TLN2: variants seen among roughly 807,000 people sequenced by gnomAD.
TLN2 encodes talin 2.
TLN2 carries 118 observed loss-of-function variants against 294.7 expected under a neutral mutation model. That is an observed-to-expected ratio of 0.40 (90% CI 0.34 to 0.47). TLN2 has a LOEUF of 0.47. Among genes scored for constraint, TLN2 ranks in the 20% least tolerant of loss-of-function variants. The probability of loss-of-function intolerance (pLI) is 0.84; values close to 1 mark genes in which losing one functional copy is unlikely to be tolerated. For missense variants in TLN2, 3,083 were observed against 3,282.2 expected, an observed-to-expected ratio of 0.94 and a Z score of 1.48; for synonymous variants, 1,431 against 1,304.5, an observed-to-expected ratio of 1.10 and a Z score of -2.09.
chr15:62,472,108 C>G (rs1182183020), intron 1 of TLN2, among the ~76,000 whole-genome samples: 3 of 152,156 alleles, frequency 2.0e-5, no homozygotes, highest in Non-Finnish European at 4.4e-5. Flanking sequence ...TTCCCATGCA[C>G]CCACCCCCAT....
chr15:62,651,740 A>T (rs4531686), intron 5 of TLN2, among the ~76,000 whole-genome samples: 14,273 of 152,194 alleles, frequency 0.094, 1,290 homozygotes, highest in African/African-American at 0.23. Flanking sequence ...GGCATCATAC[A>T]GAATGTAAGT....
intron 48 of TLN2, among the ~76,000 whole-genome samples, chr15:62,798,230 G>A (rs1567629884): frequency 6.6e-6 from 1 of 152,098 alleles, no homozygotes; most frequent in Non-Finnish European, 1.5e-5. Context: ...TGAGAACTTC[G>A]GTTCTCAAGG....
intron 11 of TLN2, among the ~76,000 whole-genome samples, chr15:62,677,027 G>C (rs1385358592): frequency 6.6e-6 from 1 of 152,230 alleles, no homozygotes; most frequent in Non-Finnish European, 1.5e-5. Flanking sequence ...CTGATTCACA[G>C]ATGGTGTTCC....
chr15:62,563,023 T>A (rs1168753716), intron 1 of TLN2, among the ~76,000 whole-genome samples: 1 of 151,900 alleles, frequency 6.6e-6, no homozygotes, highest in Non-Finnish European at 1.5e-5. Flanking sequence ...GGTTCCATGT[T>A]TTTGCAGTTG....
In TLN2 at chr15:62,580,846, G is replaced by C. The variant is rs1211673921; in HGVS notation, c.-237-8841G>C. Reference sequence around the variant, plus strand: ...GTGCTGCTTATTTTTTCCTGCCTTCGCCCCGCCCCCTGACCCCTGGCAACC... The same window carrying C: ...GTGCTGCTTATTTTTTCCTGCCTTCCCCCCGCCCCCTGACCCCTGGCAACC... On this transcript the variant is annotated intron_variant, in intron 1 of 58. Coordinates refer to ENST00000636159, the MANE Select transcript of TLN2 (RefSeq NM_015059.3). 2.3e-3 allele frequency among the ~76,000 whole-genome samples: 344 copies of C among 149,324 alleles called. 6 individuals carry two copies. The highest frequency in any genetic ancestry group is 0.02 in the Admixed American group (305 of 14,970).
intron 1 of TLN2, among the ~76,000 whole-genome samples, chr15:62,503,325 G>C (rs186166866): frequency 4.1e-4 from 63 of 152,296 alleles, no homozygotes; most frequent in Non-Finnish European, 4.0e-4. Context: ...AACTAACCAC[G>C]TGCAGATACC....
At chr15:62,581,445 A>G (rs1054298975) in intron 1 of TLN2, among the ~76,000 whole-genome samples, 1 of 152,196 alleles carries the variant, frequency 6.6e-6, no homozygotes, top group African/African-American at 2.4e-5. Flanking sequence ...TTGATGAATA[A>G]CACTTACCTA....
At chr15:62,597,790 T>G (rs1425899415) in intron 2 of TLN2, among the ~76,000 whole-genome samples, 1 of 152,232 alleles carries the variant, frequency 6.6e-6, no homozygotes, top group Non-Finnish European at 1.5e-5. Flanking sequence ...AGTTTATTTA[T>G]GTTTTACATA....
intron 2 of TLN2, among the ~76,000 whole-genome samples, chr15:62,596,280 AGG>A (rs2046506432): frequency 1.3e-5 from 2 of 150,406 alleles, no homozygotes; most frequent in African/African-American, 4.9e-5. Context: ...AAAAAAAAAA[AGG>A]TATTCTTGAA....
chr15:62,438,694 C>G (rs1043865790), intron 1 of TLN2, among the ~76,000 whole-genome samples: 2 of 152,186 alleles, frequency 1.3e-5, no homozygotes, highest in Non-Finnish European at 2.9e-5. Context: ...TATAAAACCC[C>G]TGGAACAATG....
Position 62,698,747 on chromosome 15 carries a change from T to G in TLN2, c.1474-7T>G, listed in dbSNP as rs2058526984. ...GGATGACAGCTTTGTTTCATTTGCC[T>G]TTGCAGACCTCAGCCCAGCAGGCCC... On this transcript the variant is annotated splice_polypyrimidine_tract_variant and splice_region_variant and intron_variant, in intron 15 of 58. Coordinates refer to ENST00000636159, the MANE Select transcript of TLN2 (RefSeq NM_015059.3). 1 of 1,608,172 alleles carries G rather than the reference T, an allele frequency of 6.2e-7. No individual in the cohort carries two copies. Among genetic ancestry groups the G allele is most frequent in the Admixed American group, 1.7e-5 (1 of 60,020 alleles).
rs377214219 is a variant in TLN2, at chr15:62,402,580, C to T, written c.-238+11895C>T. 7.9e-5 allele frequency among the ~76,000 whole-genome samples: 12 copies of T among 152,330 alleles called. No homozygotes were observed. In the East Asian group the frequency reaches 1.7e-3, roughly 22 times the overall value. On this transcript the variant is annotated intron_variant, in intron 1 of 58. Coordinates refer to ENST00000636159, the MANE Select transcript of TLN2 (RefSeq NM_015059.3). ...CTTGGTTAAGCCCACCCTCTGCTCA[C>T]TCTCCTTCAGCTTCAGGCTGATGAT... is the stretch of plus-strand genomic sequence containing the variant.
chr15:62,437,617 G>T (rs982135046), intron 1 of TLN2, among the ~76,000 whole-genome samples: 2 of 152,208 alleles, frequency 1.3e-5, no homozygotes, highest in Non-Finnish European at 2.9e-5. Context: ...ATAGTACTGT[G>T]TGTCATCTGG....
intron 28 of TLN2, among the ~76,000 whole-genome samples, chr15:62,735,419 T>C (rs1054207700): frequency 5.3e-5 from 8 of 152,216 alleles, no homozygotes; most frequent in African/African-American, 1.9e-4. Context: ...TAGATGCAAA[T>C]TTAAAGAGAA....
Position 62,618,045 on chromosome 15 carries a change from C to T in TLN2, c.-161-306C>T, listed in dbSNP as rs542259159. Among the ~76,000 whole-genome samples the T allele has an allele frequency of 5.3e-5, 8 of 151,838 alleles. No individual in the cohort carries two copies. The South Asian group carries it at 6.3e-4, about 12-fold the overall frequency. ...AACTTCTGGGCTCAAATGATCCTCC[C>T]GCCTTGGCCTCTCAACGTGTTGAGA... On this transcript the variant is annotated intron_variant, in intron 2 of 58. Coordinates refer to ENST00000636159, the MANE Select transcript of TLN2 (RefSeq NM_015059.3).
chr15:62,656,170 C>CTTT (rs2053186515), intron 8 of TLN2, 84 bp downstream of exon 8: 2 of 1,534,500 alleles, frequency 1.3e-6, no homozygotes, highest in East Asian at 4.5e-5. Context: ...AGGAGGGCGG[C>CTTT]GCTGGCTTCT....
At position 62,474,938 on chromosome 15, in the gene TLN2, C is replaced by T. The variant is rs114878489; in HGVS notation, c.-238+84253C>T. 3.9e-3 allele frequency among the ~76,000 whole-genome samples: 599 copies of T among 152,158 alleles called. 5 individuals carry two copies. Among genetic ancestry groups the T allele is most frequent in the African/African-American group, 0.014 (578 of 41,520 alleles). On this transcript the variant is annotated intron_variant, in intron 1 of 58. Transcript: ENST00000636159. ...GCTAATGGAAAAAAAAAAAGTGGGA[C>T]TGGTTGCTGCAGTTTCAAAACAAAT...
intron 42 of TLN2, among the ~76,000 whole-genome samples, chr15:62,773,502 C>T (rs924071676): frequency 5.3e-5 from 8 of 152,108 alleles, no homozygotes; most frequent in East Asian, 1.9e-4. Flanking sequence ...GCCCAAAGTG[C>T]GCCTGGGACA....
chr15:62,595,965 A>G (rs190396194), intron 2 of TLN2, among the ~76,000 whole-genome samples: 49 of 152,336 alleles, frequency 3.2e-4, no homozygotes, highest in South Asian at 8.3e-4. Flanking sequence ...GTTGCACAGC[A>G]TGGTGACTAC....
Sources: allele counts gnomAD v4.1 joint callset (sites outside exome capture counted in the v4.1 genomes callset), GRCh38; gene constraint gnomAD v4.1.1; transcripts MANE v1.5; gene names NCBI Gene and HGNC (gene_info 2026-07-23, HGNC 2026-07-21).